RTKN2: variants seen among roughly 807,000 people sequenced by gnomAD.
The protein encoded by RTKN2 is rhotekin 2.
A neutral mutation model predicts 71.5 loss-of-function variants in RTKN2; 69 were observed. That is an observed-to-expected ratio of 0.96 (90% confidence interval 0.79 to 1.18). RTKN2 has a LOEUF of 1.18. Among genes scored for constraint, RTKN2 ranks in the 50% most tolerant of loss-of-function variants. RTKN2 has a pLI of 0.00. For synonymous variants in RTKN2, 236 were observed against 236.5 expected, an observed-to-expected ratio of 1.00 and a Z score of 0.02; for missense variants, 724 against 719.7, an observed-to-expected ratio of 1.01 and a Z score of -0.07.
Position 62,268,693 on chromosome 10 carries a change from A to G in RTKN2, c.-83T>C. The G allele has an allele frequency of 7.1e-7, 1 of 1,400,642 alleles. No individual in the cohort carries two copies. The highest frequency in any genetic ancestry group is 9.8e-7 in the Non-Finnish European group (1 of 1,023,120). 86.8% of individuals were successfully genotyped at this position (1,400,642 alleles called of 1,614,324 possible). A position where few individuals can be genotyped will look rare whatever the true frequency, so the allele number is the denominator to read the frequency against. ...CCGCCCCTGGCAGGAGCCGCAGAGG[A>G]CGCCAACCGCCCGGCCGTACCAAGT... On this transcript the variant is annotated 5_prime_UTR_variant, in exon 1 of 12. Transcript: ENST00000373789.
chr10:62,251,270 A>G (rs2133058036), intron 2 of RTKN2, among the ~76,000 whole-genome samples: 1 of 152,312 alleles, frequency 6.6e-6, no homozygotes, highest in Middle Eastern at 3.4e-3. Flanking sequence ...ATTACAGTAT[A>G]TTGTTATAAT....
intron 6 of RTKN2, among the ~76,000 whole-genome samples, 173 bp from the exon 7 acceptor site, chr10:62,223,505 T>G (rs6479792): frequency 0.57 from 87,105 of 152,036 alleles, 25,420 homozygotes; most frequent in East Asian, 0.9. Context: ...TCTGACACAT[T>G]ACATTTCTCC....
exon 9 of RTKN2, chr10:62,184,160 A>G (rs529858889): frequency 1.9e-6 from 1 of 520,744 alleles, no homozygotes; most frequent in African/African-American, 2.0e-5. Flanking sequence ...ACTCTTAAAT[A>G]TTCTTCTAAG....
intron 6 of RTKN2, among the ~76,000 whole-genome samples, chr10:62,225,844 C>T (rs1842010353): frequency 6.6e-6 from 1 of 150,752 alleles, no homozygotes; most frequent in Non-Finnish European, 1.5e-5. Flanking sequence ...TGCAGTGGCA[C>T]AATCTCGACT....
At position 62,194,411 on chromosome 10, in the gene RTKN2, A is replaced by C. The variant is rs1235329155; in HGVS notation, c.*3497T>G. ...AAATGTCAACTTTACATTATAATTT[A>C]AGACTAACAGTGAAGATGGCTACTA... On this transcript the variant is annotated 3_prime_UTR_variant, in exon 12 of 12. Coordinates refer to ENST00000373789, the MANE Select transcript of RTKN2 (RefSeq NM_145307.4). 1 of 980,388 alleles carries C rather than the reference A, an allele frequency of 1.0e-6. No individual in the cohort carries two copies. The highest frequency in any genetic ancestry group is 1.2e-6 in the Non-Finnish European group (1 of 825,448). 60.7% of individuals were successfully genotyped at this position (980,388 alleles called of 1,614,324 possible).
At chr10:62,259,106 T>C (rs4115469) in intron 2 of RTKN2, 306,024 of 410,072 alleles carry the variant, frequency 0.75, 115,331 homozygotes, top group East Asian at 0.9. Context: ...GTTCTCATGA[T>C]AGTGAGTAAG....
At chr10:62,236,360 T>G in intron 5 of RTKN2, 97 bp from the exon 6 acceptor site, 2 of 810,318 alleles carry the variant, frequency 2.5e-6, no homozygotes, top group South Asian at 3.7e-5. Flanking sequence ...AAATCAGCAT[T>G]TAACATCAGG....
At chr10:62,185,000 A>G (rs1480854496) in intron 8 of RTKN2, among the ~76,000 whole-genome samples, 1 of 152,168 alleles carries the variant, frequency 6.6e-6, no homozygotes, top group Admixed American at 6.5e-5. Context: ...CGGTCACTCC[A>G]GGGCCCCTGC....
rs1417634562 is a variant in RTKN2, at chr10:62,196,295, C to G, written c.*1613G>C. ...AAAATAAGTTTACTTTTTAAGGTTT[C>G]CATACATGTGATGATCTCTACATGC... On this transcript the variant is annotated 3_prime_UTR_variant, in exon 12 of 12. Transcript: ENST00000373789. The G allele has an allele frequency of 1.0e-6, 1 of 983,380 alleles. No homozygotes were observed. The highest frequency in any genetic ancestry group is 1.2e-6 in the Non-Finnish European group (1 of 828,250). 60.9% of individuals were successfully genotyped at this position (983,380 alleles called of 1,614,324 possible).
chr10:62,227,390 G>C, intron 6 of RTKN2, among the ~76,000 whole-genome samples: 1 of 152,222 alleles, frequency 6.6e-6, no homozygotes, highest in South Asian at 2.1e-4. Flanking sequence ...AGGAAGAAAG[G>C]AGCCACAAGA....
rs576951593 is a variant in RTKN2 at position 62,228,969 on chromosome 10, T to C, written c.687-5637A>G. Among the ~76,000 whole-genome samples, 5 of 152,340 alleles carry C rather than the reference T, an allele frequency of 3.3e-5. No homozygotes were observed. In the East Asian group the frequency reaches 9.6e-4, roughly 29 times the overall value. ...ATACTTACCTTGAAGAGAGGTAAAGTAGAAGACTATAGAAACAGTAGAATT... is the reference window on the plus strand; with the variant it reads ...ATACTTACCTTGAAGAGAGGTAAAGCAGAAGACTATAGAAACAGTAGAATT... On this transcript the variant is annotated intron_variant, in intron 6 of 11. Coordinates refer to ENST00000373789, the MANE Select transcript of RTKN2 (RefSeq NM_145307.4).
chr10:62,218,609 A>G, intron 7 of RTKN2, among the ~76,000 whole-genome samples: 1 of 69,058 alleles, frequency 1.4e-5, no homozygotes, highest in South Asian at 3.3e-4. Flanking sequence ...AGTTGTTCAG[A>G]GAATATAAGT....
intron 1 of RTKN2, among the ~76,000 whole-genome samples, chr10:62,264,424 G>T (rs1842832572): frequency 6.6e-6 from 1 of 152,134 alleles, no homozygotes; most frequent in South Asian, 2.1e-4. Flanking sequence ...CATTACACAT[G>T]ACTGAATTTC....
chr10:62,220,427 A>T (rs1430508730), intron 7 of RTKN2, among the ~76,000 whole-genome samples: 1 of 152,220 alleles, frequency 6.6e-6, no homozygotes, highest in Admixed American at 6.5e-5. Context: ...TTTCAGTAAT[A>T]CATCTGAAAT....
At chr10:62,268,517 C>CACCTTCCGCGGCAGGGT (rs1842907752) in intron 1 of RTKN2, 34 bp downstream of exon 1, 2 of 1,546,822 alleles carry the variant, frequency 1.3e-6, no homozygotes, top group African/African-American at 2.7e-5. Context: ...CCGGCTCCCT[C>CACCTTCCGCGGCAGGGT]ACCTTCCGCG....
At chr10:62,243,552 CCTT>C (rs1289265311) in intron 3 of RTKN2, among the ~76,000 whole-genome samples, 1 of 152,096 alleles carries the variant, frequency 6.6e-6, no homozygotes, top group African/African-American at 2.4e-5. Flanking sequence ...TGTGGGTCAG[CCTT>C]CTTCTATCCC....
chr10:62,231,029 C>T (rs936847310), intron 6 of RTKN2, among the ~76,000 whole-genome samples: 1 of 152,082 alleles, frequency 6.6e-6, no homozygotes, highest in African/African-American at 2.4e-5. Context: ...TGTCACATCA[C>T]CAAATCTTTA....
At chr10:62,213,036 CAA>C (rs1345702783) in intron 9 of RTKN2, among the ~76,000 whole-genome samples, 2 of 152,110 alleles carry the variant, frequency 1.3e-5, no homozygotes, top group African/African-American at 2.4e-5. Context: ...TGCCTTTTCA[CAA>C]GAGACTGTAA....
Position 62,198,092 on chromosome 10 carries a change from A to G in RTKN2, c.1646T>C (p.Met549Thr). The G allele has an allele frequency of 1.2e-6, 2 of 1,614,176 alleles. No individual in the cohort carries two copies. ...SSLDTKLSTLMHHLQKPMAAP... is the reference protein window; with the variant it reads ...SSLDTKLSTLTHHLQKPMAAP... ...AGCCATTGGTTTCTGTAAGTGATGC[A>G]TTAGAGTTGATAGTTTGGTATCCAA... Residue 549 changes from methionine to threonine, a missense_variant, in exon 12 of 12, where the codon ATG becomes ACG. Met to Thr is a moderately conservative substitution (Grantham distance 81). Coordinates refer to ENST00000373789, the MANE Select transcript of RTKN2 (RefSeq NM_145307.4).
Sources: gnomAD v4.1 joint callset for allele counts (sites outside exome capture counted in the v4.1 genomes callset) on GRCh38, gnomAD v4.1.1 for gene constraint, MANE v1.5 for transcripts, NCBI Gene and HGNC (gene_info 2026-07-23, HGNC 2026-07-21) for gene names.